CD300LD: variants seen among roughly 807,000 people sequenced by gnomAD.
CD300LD encodes the protein CMRF35-like molecule 5.
In CD300LD, 18 loss-of-function variants were observed where a neutral mutation model predicts 20.3. The ratio of observed to expected loss-of-function variants is 0.89; its 90% CI spans 0.61 to 1.32. The LOEUF (loss-of-function observed/expected upper bound fraction) is 1.32, where lower values mean the gene tolerates loss of function less well. Ranked by LOEUF, CD300LD falls within the 40% of genes most tolerant of loss-of-function variation. CD300LD has a pLI of 0.00. For missense variants in CD300LD, 195 were observed against 226.6 expected, an observed-to-expected ratio of 0.86 and a Z score of 0.90; for synonymous variants, 104 against 90.1, an observed-to-expected ratio of 1.15 and a Z score of -0.87.
At chr17:74,589,280 C>T (rs995011170) in intron 1 of CD300LD, among the ~76,000 whole-genome samples, 4 of 148,514 alleles carry the variant, frequency 2.7e-5, no homozygotes, top group Admixed American at 6.8e-5. Flanking sequence ...TTTCTGGTGG[C>T]TCTGCTGTAG....
intron 1 of CD300LD, 161 bp downstream of exon 1, chr17:74,592,002 T>A (rs1316191707): frequency 1.3e-6 from 2 of 1,552,240 alleles, no homozygotes; most frequent in East Asian, 2.3e-5. Flanking sequence ...ACAGAACCTG[T>A]CAGATAACAA....
intron 2 of CD300LD, among the ~76,000 whole-genome samples, chr17:74,585,877 G>A (rs1338840029): frequency 6.6e-6 from 1 of 152,170 alleles, no homozygotes; most frequent in Non-Finnish European, 1.5e-5. Flanking sequence ...CATTACAGAG[G>A]ATATGCTGTT....
rs529615042 is a variant in CD300LD, at chr17:74,588,836, G to A, written c.54C>T (p.Ala18=). ...LLLILPGYSI[A]AKITGPTTVN... ...CTGTTGTTGGACCAGTGATTTTAGC[G>A]GCAATGGAGTAACCTGGAAAACGCA... is the stretch of plus-strand genomic sequence containing the variant. The change falls in exon 2 of 4, where the codon GCC becomes GCT. Residue 18 remains alanine, a synonymous_variant. Transcript: ENST00000375352. 2.4e-5 allele frequency: 39 copies of A among 1,606,514 alleles called. No homozygotes were observed. Among genetic ancestry groups the A allele is most frequent in the Middle Eastern group, 1.7e-4 (1 of 6,044 alleles).
At position 74,588,689 on chromosome 17, in the gene CD300LD, T is replaced by C. The variant is rs763576087; in HGVS notation, c.201A>G (p.Thr67=). Residue 67 remains threonine, a synonymous_variant, in exon 2 of 4, where the codon ACA becomes ACG. Coordinates refer to ENST00000375352, the MANE Select transcript of CD300LD (RefSeq NM_001115152.2). ...DWNYCNILVK[T]NGSEQEVKKN... is the part of the protein sequence containing the mutation. ...TCTTTACCTCCTGCTCTGATCCATT[T>C]GTTTTAACAAGGATGTTACAGTAAT... 10 of 1,614,230 alleles carry C rather than the reference T, an allele frequency of 6.2e-6. No individual in the cohort carries two copies. The South Asian group carries it at 1.1e-4, about 18-fold the overall frequency.
intron 1 of CD300LD, among the ~76,000 whole-genome samples, chr17:74,589,144 CA>C (rs1568024108): frequency 6.6e-6 from 1 of 152,188 alleles, no homozygotes; most frequent in East Asian, 1.9e-4. Flanking sequence ...CTTTATATTC[CA>C]AGGAATGCTC....
At chr17:74,583,941 A>T (rs552433973) in intron 2 of CD300LD, among the ~76,000 whole-genome samples, 1 of 151,510 alleles carries the variant, frequency 6.6e-6, no homozygotes, top group South Asian at 2.1e-4. Context: ...TTTAGTAGAG[A>T]TGGGGTTTTG....
In CD300LD at chr17:74,579,662, T is replaced by A; in HGVS notation, c.*340A>T. ...CACTTTGGGAGGCGAAGCGGGAGGA[T>A]CTCTTGAGGTCAAGAGTTCGAGACC... On this transcript the variant is annotated 3_prime_UTR_variant, in exon 4 of 4. Coordinates refer to ENST00000375352, the MANE Select transcript of CD300LD (RefSeq NM_001115152.2). 5.7e-6 allele frequency: 1 copy of A among 176,732 alleles called. No homozygotes were observed. The highest frequency in any genetic ancestry group is 1.2e-5 in the Non-Finnish European group (1 of 82,780). 10.9% of individuals were successfully genotyped at this position (176,732 alleles called of 1,614,324 possible). A position where few individuals can be genotyped will look rare whatever the true frequency, so the allele number is the denominator to read the frequency against.
At chr17:74,581,593 C>G (rs1426389526) in intron 3 of CD300LD, among the ~76,000 whole-genome samples, 2 of 152,240 alleles carry the variant, frequency 1.3e-5, no homozygotes, top group Non-Finnish European at 2.9e-5. Context: ...CTAGCATTTT[C>G]CATTCCCCTA....
rs1220485434 is a variant in CD300LD at position 74,580,101 on chromosome 17, C to T, written c.486G>A (p.Lys162=). The T allele has an allele frequency of 2.5e-6, 4 of 1,610,694 alleles. No homozygotes were observed. The African/African-American group carries it at 5.3e-5, about 22-fold the overall frequency. The change falls in exon 4 of 4, where the codon AAG becomes AAA. Residue 162 remains lysine, a synonymous_variant. Coordinates refer to ENST00000375352, the MANE Select transcript of CD300LD (RefSeq NM_001115152.2). ...GGAACAGGAACAGGAAGTGGGTGCT[C>T]TTGAGCGGGGACCTGTGGGAACACG... ...TSSPLTRSPL[K]STHFLFLFLL...
At chr17:74,589,749 A>C (rs2030261034) in intron 1 of CD300LD, among the ~76,000 whole-genome samples, 1 of 152,230 alleles carries the variant, frequency 6.6e-6, no homozygotes, top group South Asian at 2.1e-4. Flanking sequence ...TAAAGAAACG[A>C]TTGATTTTGA....
At chr17:74,588,000 A>T (rs1218845822) in intron 2 of CD300LD, among the ~76,000 whole-genome samples, 1 of 152,186 alleles carries the variant, frequency 6.6e-6, no homozygotes, top group Non-Finnish European at 1.5e-5. Context: ...TTATAACAGA[A>T]TATCTGGAAT....
intron 1 of CD300LD, chr17:74,591,882 TATCTGTTCATTC>T: frequency 1.6e-6 from 1 of 616,994 alleles, no homozygotes; most frequent in Non-Finnish European, 2.5e-6. Flanking sequence ...CCTTCATTGA[TATCTGTTCATTC>T]ATCTGTTTAT....
intron 2 of CD300LD, among the ~76,000 whole-genome samples, chr17:74,582,708 CG>C (rs2030064125): frequency 6.6e-6 from 1 of 152,102 alleles, no homozygotes; most frequent in South Asian, 2.1e-4. Context: ...TGGAGAGCCC[CG>C]GATTCCTGGC....
At chr17:74,582,127 G>A (rs768943829) in intron 3 of CD300LD, 91 bp downstream of exon 3, 56 of 922,294 alleles carry the variant, frequency 6.1e-5, no homozygotes, top group Middle Eastern at 3.3e-4. Context: ...AGTGTAACTG[G>A]GCATGCTATT....
At chr17:74,587,279 A>C (rs192971316) in intron 2 of CD300LD, among the ~76,000 whole-genome samples, 1 of 152,212 alleles carries the variant, frequency 6.6e-6, no homozygotes, top group Non-Finnish European at 1.5e-5. Flanking sequence ...TATTCCAGTT[A>C]TCTATTTCTT....
intron 3 of CD300LD, among the ~76,000 whole-genome samples, chr17:74,580,900 T>TAAA (rs372413183): frequency 8.1e-6 from 1 of 123,432 alleles, no homozygotes; most frequent in Non-Finnish European, 1.8e-5. Context: ...GCCCCATCTC[T>TAAA]AAAAAAAAAA....
chr17:74,592,148 T>TC lies in CD300LD; in HGVS notation c.40+14dup. The TC allele has an allele frequency of 6.2e-7, 1 of 1,613,800 alleles. No homozygotes were observed. The highest frequency in any genetic ancestry group is 2.2e-5 in the East Asian group (1 of 44,878). ...CGCTGTCATTCCAGTGCCTTAAAGC[T>TC]CCAGCCACACTCACCTGGGAGGATG... On this transcript the variant is annotated intron_variant, in intron 1 of 3. Transcript: ENST00000375352.
intron 3 of CD300LD, 32 bp downstream of exon 3, chr17:74,582,186 G>A (rs1200860951): frequency 2.5e-6 from 4 of 1,593,340 alleles, no homozygotes; most frequent in African/African-American, 2.7e-5. Flanking sequence ...GGCCAGGCCT[G>A]TGCGAAAGTG....
chr17:74,581,605 T>C (rs924532920), intron 3 of CD300LD, among the ~76,000 whole-genome samples: 1 of 152,218 alleles, frequency 6.6e-6, no homozygotes, highest in African/African-American at 2.4e-5. Flanking sequence ...ATTCCCCTAC[T>C]CTGGTGTCTT....
Sources: allele counts gnomAD v4.1 joint callset (sites outside exome capture counted in the v4.1 genomes callset), GRCh38; gene constraint gnomAD v4.1.1; transcripts MANE v1.5; gene names NCBI Gene and HGNC (gene_info 2026-07-23, HGNC 2026-07-21).